SMC1B: variants seen among roughly 807,000 people sequenced by gnomAD.
The protein encoded by SMC1B is structural maintenance of chromosomes 1B, also known as structural maintenance of chromosomes protein 1B.
In SMC1B, 60 loss-of-function variants were observed where a neutral mutation model predicts 157.9. The observed-to-expected ratio is 0.38, with a 90% CI of 0.31 to 0.47. The LOEUF (loss-of-function observed/expected upper bound fraction) is 0.47, where lower values mean the gene tolerates loss of function less well. Among genes scored for constraint, SMC1B ranks in the 20% least tolerant of loss-of-function variants. SMC1B has a pLI of 0.99. For synonymous variants in SMC1B, 445 were observed against 483.0 expected (o/e 0.92, Z 1.03); for missense variants, 1,165 against 1,426.2 (o/e 0.82, Z 2.95).
intron 12 of SMC1B, among the ~76,000 whole-genome samples, chr22:45,382,637 G>A (rs1162944647): frequency 3.9e-3 from 1 of 258 alleles, no homozygotes; most frequent in Non-Finnish European, 8.5e-3. Context: ...ACCTGAAGCT[G>A]ACTAAAAATC....
intron 10 of SMC1B, among the ~76,000 whole-genome samples, chr22:45,388,455 A>G (rs181304663): frequency 4.9e-4 from 75 of 152,294 alleles, no homozygotes; most frequent in Admixed American, 4.8e-3. Context: ...ATAGGATTCT[A>G]ACAGACAGAT....
intron 1 of SMC1B, among the ~76,000 whole-genome samples, chr22:45,410,527 A>G (rs9626324): frequency 0.012 from 1,800 of 152,072 alleles, 37 homozygotes; most frequent in African/African-American, 0.041. Flanking sequence ...ACATGGTGAA[A>G]CCCCGTCTCT....
At chr22:45,368,458 T>A (rs1458340257) in intron 15 of SMC1B, among the ~76,000 whole-genome samples, 1 of 152,112 alleles carries the variant, frequency 6.6e-6, no homozygotes, top group African/African-American at 2.4e-5. Flanking sequence ...AATTTTGGAA[T>A]CAGTATTATG....
intron 6 of SMC1B, among the ~76,000 whole-genome samples, chr22:45,398,044 G>A (rs1057252968): frequency 1.3e-5 from 2 of 152,142 alleles, no homozygotes; most frequent in East Asian, 1.9e-4. Context: ...TGGTGGGGCC[G>A]AGCAAGCCCC....
intron 6 of SMC1B, among the ~76,000 whole-genome samples, chr22:45,398,743 C>A (rs1402360749): frequency 6.6e-6 from 1 of 152,056 alleles, no homozygotes. Flanking sequence ...GCAGGAGAAT[C>A]GCTTGAACCC....
rs2086714773 is a variant in SMC1B at position 45,360,852 on chromosome 22, CATGGTT to C, written c.2709-900_2709-895del. On this transcript the variant is annotated intron_variant, in intron 17 of 24. Transcript: ENST00000357450. The stretch of plus-strand genomic sequence containing the variant: ...AGAGAATTAACTTTGTCTAATCACT[CATGGTT>C]ATGTAAATCATGATGCATGACAGGA... Among the ~76,000 whole-genome samples, 6 of 152,210 alleles carry C rather than the reference CATGGTT, an allele frequency of 3.9e-5. No individual in the cohort carries two copies. The South Asian group carries it at 1.2e-3, about 31-fold the overall frequency.
intron 14 of SMC1B, among the ~76,000 whole-genome samples, chr22:45,370,688 A>G (rs184284238): frequency 3.7e-4 from 56 of 152,318 alleles, no homozygotes; most frequent in African/African-American, 1.2e-3. Context: ...AGATAATCCA[A>G]GTCATGGAAA....
chr22:45,409,875 G>A (rs1005194921), intron 1 of SMC1B, among the ~76,000 whole-genome samples: 1 of 152,156 alleles, frequency 6.6e-6, no homozygotes, highest in African/African-American at 2.4e-5. Context: ...TTCTTTCTAG[G>A]ATTCTGGAAT....
chr22:45,359,692 G>A lies in SMC1B; in HGVS notation c.2862+113C>T. 4.3e-6 allele frequency: 5 copies of A among 1,155,780 alleles called. No homozygotes were observed. The Middle Eastern group carries it at 6.1e-4, about 142-fold the overall frequency. The allele number at this position is 1,155,780 out of a possible 1,614,324, so 71.6% of individuals were successfully genotyped here. A position where few individuals can be genotyped will look rare whatever the true frequency, so the allele number is the denominator to read the frequency against. ...TCATTTTGCCCTTTTTCCCTCCTAT[G>A]AGATGTCTTCACCACCCCTAAAGGG... On this transcript the variant is annotated intron_variant, in intron 18 of 24. Transcript: ENST00000357450.
rs764310972 is a variant in SMC1B, at chr22:45,345,444, C to CTGATT, written c.3606+10_3606+14dup. 1 of 1,574,904 alleles carries CTGATT rather than the reference C, an allele frequency of 6.3e-7. No individual in the cohort carries two copies. The highest frequency in any genetic ancestry group is 1.1e-5 in the South Asian group (1 of 89,834). ...GGCATTGGGTACACTCCTCTCGCCT[C>CTGATT]TGATTTGTCTTTACCTCAGGATAGA... On this transcript the variant is annotated intron_variant, in intron 24 of 24. Coordinates refer to ENST00000357450, the MANE Select transcript of SMC1B (RefSeq NM_148674.5).
At chr22:45,368,491 T>A (rs1008616966) in intron 15 of SMC1B, among the ~76,000 whole-genome samples, 1 of 152,154 alleles carries the variant, frequency 6.6e-6, no homozygotes, top group Non-Finnish European at 1.5e-5. Flanking sequence ...AAAGATGCAT[T>A]TTTTCCTCTT....
chr22:45,370,292 T>G (rs2086819002), intron 14 of SMC1B, among the ~76,000 whole-genome samples: 4 of 152,208 alleles, frequency 2.6e-5, no homozygotes, highest in Admixed American at 1.3e-4. Flanking sequence ...TTGGCCTTAT[T>G]AAGTGCTTTG....
At chr22:45,372,643 CCTT>C (rs796797796) in intron 12 of SMC1B, among the ~76,000 whole-genome samples, 59 of 151,484 alleles carry the variant, frequency 3.9e-4, no homozygotes, top group African/African-American at 1.3e-3. Flanking sequence ...TCTCTCACTC[CCTT>C]CTTCTTTCAC....
In SMC1B at chr22:45,402,447, C is replaced by G. The variant is rs762978753; in HGVS notation, c.740G>C (p.Arg247Thr). ...LLNTKLEHVN[R>T]DLSVKRESLS... ...AGACTCTCTTTTGACACTCAAATCC[C>G]TATTCACATGCTCTAACTTGGTGTT... The change falls in exon 5 of 25, where the codon AGG (arginine) becomes ACG (threonine). Residue 247 changes from arginine (R) to threonine (T), a missense_variant. Transcript: ENST00000357450. 1.2e-6 allele frequency: 2 copies of G among 1,613,956 alleles called. No homozygotes were observed. The highest frequency in any genetic ancestry group is 1.1e-5 in the South Asian group (1 of 91,072).
Position 45,359,800 on chromosome 22 carries a change from A to T in SMC1B, c.2862+5T>A. The T allele has an allele frequency of 1.2e-6, 2 of 1,611,136 alleles. No homozygotes were observed. Among genetic ancestry groups the T allele is most frequent in the Admixed American group, 3.4e-5 (2 of 59,668 alleles). Reference sequence around the variant, plus strand: ...CACATATTTTACAGTCATTTGCTAGAATACCTCCACTTCAATGATGTCATC... The same window carrying T: ...CACATATTTTACAGTCATTTGCTAGTATACCTCCACTTCAATGATGTCATC... On this transcript the variant is annotated splice_donor_5th_base_variant and intron_variant, in intron 18 of 24. Coordinates refer to ENST00000357450, the MANE Select transcript of SMC1B (RefSeq NM_148674.5).
intron 22 of SMC1B, 79 bp downstream of exon 22, chr22:45,352,372 A>G (rs1602046319): frequency 7.7e-7 from 1 of 1,291,882 alleles, no homozygotes; most frequent in African/African-American, 1.5e-5. Flanking sequence ...AATAAAGACA[A>G]TAGTTAATAT....
chr22:45,357,992 G>A (rs915909721), intron 19 of SMC1B, among the ~76,000 whole-genome samples: 3 of 152,198 alleles, frequency 2.0e-5, no homozygotes, highest in Non-Finnish European at 4.4e-5. Context: ...AAAGGCTGAA[G>A]ATTGAGGCTG....
chr22:45,370,205 T>A, intron 14 of SMC1B, 145 bp from the exon 15 acceptor site: 2 of 418,600 alleles, frequency 4.8e-6, no homozygotes, highest in Non-Finnish European at 8.5e-6. Flanking sequence ...AAGCCAGTAC[T>A]TTTTTTTCCT....
At chr22:45,400,268 G>A (rs1023741377) in intron 5 of SMC1B, among the ~76,000 whole-genome samples, 12 of 151,996 alleles carry the variant, frequency 7.9e-5, no homozygotes, top group Non-Finnish European at 1.8e-4. Context: ...TACAAGCTGG[G>A]GCAAGCTGAT....
Sources: allele counts gnomAD v4.1 joint callset (sites outside exome capture counted in the v4.1 genomes callset), GRCh38; gene constraint gnomAD v4.1.1; transcripts MANE v1.5; gene names NCBI Gene and HGNC (gene_info 2026-07-23, HGNC 2026-07-21).